ADCY2: variants seen among roughly 807,000 people sequenced by gnomAD.
ADCY2 encodes adenylate cyclase 2.
In ADCY2, 31 loss-of-function variants were observed where a neutral mutation model predicts 125.2. The observed-to-expected ratio is 0.25, with a 90% confidence interval of 0.19 to 0.33. The LOEUF (loss-of-function observed/expected upper bound fraction) is 0.33, where lower values mean the gene tolerates loss of function less well. Among genes scored for constraint, ADCY2 ranks in the 10% least tolerant of loss-of-function variants. The pLI is 1.00. For synonymous variants in ADCY2, 512 were observed against 548.4 expected (o/e 0.93, Z 0.93); for missense variants, 904 against 1,418.2 (o/e 0.64, Z 5.82).
At chr5:7,448,683 C>T (rs2451828) in intron 2 of ADCY2, among the ~76,000 whole-genome samples, 4,211 of 152,166 alleles carry the variant, frequency 0.028, 78 homozygotes, top group Middle Eastern at 0.078. Context: ...CACATGTGTC[C>T]ATGTGTTCTC....
chr5:7,396,472 T>C lies in ADCY2; in HGVS notation c.176T>C (p.Leu59Pro). Residue 59 changes from leucine (L) to proline (P), a missense_variant, in exon 1 of 25, where the codon CTC becomes CCC. Physicochemically the swap from Leu to Pro is moderately conservative, Grantham distance 98. Coordinates refer to ENST00000338316, the MANE Select transcript of ADCY2 (RefSeq NM_020546.3). This position sits in a 1 kb window ranked among gnomAD's most constrained non-coding sequence, Gnocchi z 5.7. ...CTGCTCATCGTCATGGGCTCCTGCC[T>C]CGCCCTGCTCGCCGTCTTCTTCGCG... ...FLLLIVMGSC[L>P]ALLAVFFALG... is the part of the protein sequence containing the mutation. The C allele has an allele frequency of 6.4e-7, 1 of 1,570,110 alleles. No individual in the cohort carries two copies. The highest frequency in any genetic ancestry group is 8.6e-7 in the Non-Finnish European group (1 of 1,158,788).
chr5:7,639,224 G>C (rs1242136656), intron 4 of ADCY2, among the ~76,000 whole-genome samples: 1 of 152,176 alleles, frequency 6.6e-6, no homozygotes, highest in Non-Finnish European at 1.5e-5. Flanking sequence ...CATGGAGTAA[G>C]TGAGAACATA....
At chr5:7,785,716 A>C (rs2126499713) in intron 19 of ADCY2, among the ~76,000 whole-genome samples, 1 of 152,308 alleles carries the variant, frequency 6.6e-6, no homozygotes, top group East Asian at 1.9e-4. Context: ...ATCATTTCTC[A>C]GAAAACAATG....
chr5:7,751,127 C>T (rs141847285), intron 15 of ADCY2, among the ~76,000 whole-genome samples: 1 of 152,238 alleles, frequency 6.6e-6, no homozygotes, highest in Non-Finnish European at 1.5e-5. Flanking sequence ...CCTCAATAAC[C>T]ATTTAGTTTT....
At chr5:7,817,049 A>G in intron 23 of ADCY2, 69 bp downstream of exon 23, 1 of 1,167,456 alleles carries the variant, frequency 8.6e-7, no homozygotes, top group Non-Finnish European at 1.3e-6. Flanking sequence ...AAGTCAGGAG[A>G]TATTGATGAT....
At chr5:7,810,636 G>T (rs1433534749) in intron 22 of ADCY2, among the ~76,000 whole-genome samples, 1 of 151,786 alleles carries the variant, frequency 6.6e-6, no homozygotes, top group Admixed American at 6.6e-5. Context: ...TGATGAGTGG[G>T]TTATCTACCT....
At chr5:7,578,375 A>G (rs1033354584) in intron 3 of ADCY2, among the ~76,000 whole-genome samples, 2 of 152,176 alleles carry the variant, frequency 1.3e-5, no homozygotes, top group Non-Finnish European at 2.9e-5. Flanking sequence ...AGTTATATAA[A>G]TACAGCACGG....
At chr5:7,443,850 A>T (rs115889136) in intron 2 of ADCY2, among the ~76,000 whole-genome samples, 6 of 151,966 alleles carry the variant, frequency 3.9e-5, no homozygotes, top group African/African-American at 1.4e-4. Flanking sequence ...CATCCCTTGG[A>T]ATATTTTCTT....
Position 7,707,723 on chromosome 5 carries a change from C to T in ADCY2, c.1286C>T (p.Ser429Phe). 6.2e-7 allele frequency: 1 copy of T among 1,614,056 alleles called. No homozygotes were observed. The highest frequency in any genetic ancestry group is 1.1e-5 in the South Asian group (1 of 91,046). The change falls in exon 9 of 25, where the codon TCT becomes TTT. Residue 429 changes from serine (S) to phenylalanine (F), a missense_variant. Around this residue, in one of 7 missense-constraint regions of ADCY2, gnomAD observed 144 missense variants for 227.7 expected, o/e 0.63. Coordinates refer to ENST00000338316, the MANE Select transcript of ADCY2 (RefSeq NM_020546.3). Reference sequence around the variant, plus strand: ...AATTTCAGACGTGTTCACATTTCTTCTGTCACCCTGGAGCACTTGAATGGC... The same window carrying T: ...AATTTCAGACGTGTTCACATTTCTTTTGTCACCCTGGAGCACTTGAATGGC... The part of the protein sequence containing the change: ...GGVPGRVHIS[S>F]VTLEHLNGAY...
intron 18 of ADCY2, among the ~76,000 whole-genome samples, chr5:7,779,534 A>G (rs1320306510): frequency 6.6e-6 from 1 of 150,802 alleles, no homozygotes; most frequent in African/African-American, 2.4e-5. Flanking sequence ...ATCAGGTCAC[A>G]TGATTGTCTC....
intron 2 of ADCY2, among the ~76,000 whole-genome samples, chr5:7,424,224 C>T (rs1214017732): frequency 2.0e-5 from 3 of 152,206 alleles, no homozygotes; most frequent in Admixed American, 1.3e-4. Context: ...CCCCTTCTAC[C>T]GTAGAATGAT....
At chr5:7,412,649 A>G (rs1234834662) in intron 1 of ADCY2, among the ~76,000 whole-genome samples, 4 of 152,190 alleles carry the variant, frequency 2.6e-5, no homozygotes, top group African/African-American at 9.6e-5. Flanking sequence ...ATCTCATTTG[A>G]TCTACTTGTT....
At chr5:7,787,531 T>C (rs929743327) in intron 19 of ADCY2, among the ~76,000 whole-genome samples, 1 of 152,292 alleles carries the variant, frequency 6.6e-6, no homozygotes, top group Middle Eastern at 3.4e-3. Context: ...TGATTGGGGA[T>C]TTTTTAAGTC....
chr5:7,652,169 T>C (rs1055792717), intron 4 of ADCY2, among the ~76,000 whole-genome samples: 1 of 152,170 alleles, frequency 6.6e-6, no homozygotes, highest in Non-Finnish European at 1.5e-5. Flanking sequence ...TATGTCAACA[T>C]TTATCACAGA....
intron 4 of ADCY2, among the ~76,000 whole-genome samples, chr5:7,678,307 G>A (rs530048064): frequency 7.9e-5 from 12 of 152,232 alleles, no homozygotes; most frequent in African/African-American, 1.4e-4. Flanking sequence ...CAGGAGTAGC[G>A]TTCAACGATG....
At chr5:7,504,492 C>T (rs558232658) in intron 2 of ADCY2, among the ~76,000 whole-genome samples, 13 of 152,236 alleles carry the variant, frequency 8.5e-5, no homozygotes, top group African/African-American at 3.1e-4. Context: ...TTATATACAC[C>T]TATTAATATT....
chr5:7,412,029 C>A (rs1156704848), intron 1 of ADCY2, among the ~76,000 whole-genome samples: 1 of 151,862 alleles, frequency 6.6e-6, no homozygotes, highest in African/African-American at 2.4e-5. Context: ...GAGCCGAGAT[C>A]CCGCCACAGC....
intron 15 of ADCY2, 30 bp from the exon 16 acceptor site, chr5:7,757,419 G>T (rs1353348948): frequency 6.2e-7 from 1 of 1,607,404 alleles, no homozygotes; most frequent in South Asian, 1.1e-5. Flanking sequence ...AGCTAGCAAT[G>T]CTTCTCTTTT....
At chr5:7,585,077 G>T (rs1381586352) in intron 3 of ADCY2, among the ~76,000 whole-genome samples, 2 of 152,176 alleles carry the variant, frequency 1.3e-5, no homozygotes, top group African/African-American at 2.4e-5. Flanking sequence ...TAGTATATAA[G>T]AGGTGGCCAG....
Sources: gnomAD v4.1 joint callset for allele counts (sites outside exome capture counted in the v4.1 genomes callset) on GRCh38, gnomAD v4.1.1 for gene constraint, gnomAD v4.1.1 regional missense constraint, Gnocchi (gnomAD v3.1) non-coding constraint, MANE v1.5 for transcripts, NCBI Gene and HGNC (gene_info 2026-07-23, HGNC 2026-07-21) for gene names.